The following PCDH15 variants were observed in gnomAD, a reference collection of about 807,000 sequenced individuals.
The protein encoded by PCDH15 is protocadherin-15.
PCDH15 carries 129 observed loss-of-function variants against 178.5 expected under a neutral mutation model. That is an observed-to-expected ratio of 0.72 (90% CI 0.63 to 0.84). PCDH15 has a LOEUF of 0.84. Among genes scored for constraint, PCDH15 ranks in the 40% least tolerant of loss-of-function variants. The pLI is 0.00. For missense variants in PCDH15, 2,230 were observed against 2,099.9 expected (o/e 1.06, Z -1.21); for synonymous variants, 800 against 732.0 (o/e 1.09, Z -1.50).
intron 2 of PCDH15, among the ~76,000 whole-genome samples, chr10:55,469,388 A>G (rs1430699673): frequency 3.9e-5 from 6 of 152,160 alleles, no homozygotes; most frequent in Admixed American, 6.5e-5. Context: ...TTATGTATGT[A>G]TATATGTATG....
intron 2 of PCDH15, among the ~76,000 whole-genome samples, chr10:55,556,095 A>G (rs910437640): frequency 6.6e-5 from 10 of 152,132 alleles, no homozygotes; most frequent in African/African-American, 1.9e-4. Flanking sequence ...ATATACACAC[A>G]CTATAGCTCT....
chr10:55,234,923 T>C (rs1841333511), intron 1 of PCDH15, among the ~76,000 whole-genome samples: 1 of 151,988 alleles, frequency 6.6e-6, no homozygotes, highest in South Asian at 2.1e-4. Flanking sequence ...TTTTCTAATA[T>C]AGGAAAATGG....
chr10:54,883,784 A>T (rs960358113), intron 3 of PCDH15, among the ~76,000 whole-genome samples: 16 of 151,910 alleles, frequency 1.1e-4, no homozygotes, highest in Admixed American at 3.3e-4. Context: ...TTCAGTCATG[A>T]TTTTCTTCAG....
chr10:53,942,689 AC>A (rs1368216017), intron 23 of PCDH15, among the ~76,000 whole-genome samples: 1 of 152,206 alleles, frequency 6.6e-6, no homozygotes, highest in Non-Finnish European at 1.5e-5. Context: ...ATTTCTGCCA[AC>A]AACCACATGT....
At position 55,471,143 on chromosome 10, in the gene PCDH15, AAT is replaced by A. The variant is rs545362609; in HGVS notation, c.-156+156480_-156+156481del. The stretch of plus-strand genomic sequence containing the variant: ...AAACATCTGTACTGATTTTAGTGTG[AAT>A]ATATGTTTTCAACTCAACAATATGT... On this transcript the variant is annotated intron_variant, in intron 2 of 5. Coordinates refer to the PCDH15 transcript ENST00000613346. Among the ~76,000 whole-genome samples, 574 of 152,282 alleles carry A rather than the reference AAT, an allele frequency of 3.8e-3. 2 individuals are homozygous for A. The highest frequency in any genetic ancestry group is 7.8e-3 in the Admixed American group (120 of 15,288).
intron 2 of PCDH15, among the ~76,000 whole-genome samples, chr10:54,620,300 C>T (rs1167866919): frequency 1.3e-5 from 2 of 151,650 alleles, no homozygotes; most frequent in African/African-American, 4.8e-5. Context: ...GATAAAATAC[C>T]AATCTTATTA....
intron 3 of PCDH15, among the ~76,000 whole-genome samples, chr10:54,507,032 T>TAAAAATC: frequency 6.6e-6 from 1 of 152,026 alleles, no homozygotes; most frequent in East Asian, 1.9e-4. Flanking sequence ...ACAACACAAT[T>TAAAAATC]CTAATTTTTG....
At chr10:53,878,495 ATATAT>A (rs200946498) in intron 26 of PCDH15, among the ~76,000 whole-genome samples, 2,230 of 139,812 alleles carry the variant, frequency 0.016, 60 homozygotes, top group African/African-American at 0.061. Context: ...TAAATATATA[ATATAT>A]TATATATATA....
chr10:55,317,996 G>A (rs566682370), intron 1 of PCDH15, among the ~76,000 whole-genome samples: 52 of 152,232 alleles, frequency 3.4e-4, no homozygotes, highest in Non-Finnish European at 4.6e-4. Context: ...AAAAATTGTC[G>A]TCTACATAAA....
intron 2 of PCDH15, among the ~76,000 whole-genome samples, chr10:55,414,770 GGTGTGTGTGTGTGTGTGTGTGT>G (rs71014486): frequency 6.8e-6 from 1 of 146,866 alleles, no homozygotes; most frequent in Non-Finnish European, 1.5e-5. Context: ...TCTAACAAGG[GGTGTGTGTGTGTGTGTGTGTGT>G]GTGTGTGTGT....
chr10:54,660,917 A>G (rs1191526097), intron 2 of PCDH15, among the ~76,000 whole-genome samples: 5 of 152,104 alleles, frequency 3.3e-5, no homozygotes, highest in Non-Finnish European at 7.4e-5. Flanking sequence ...ATATGTCTGT[A>G]TGATAAAAAC....
At chr10:54,793,849 A>G (rs892624756) in intron 1 of PCDH15, among the ~76,000 whole-genome samples, 2 of 149,316 alleles carry the variant, frequency 1.3e-5, no homozygotes, top group Non-Finnish European at 3.0e-5. Context: ...TCAGTAAATC[A>G]AAAGATAACA....
At chr10:54,297,827 T>C (rs1287939186) in intron 8 of PCDH15, among the ~76,000 whole-genome samples, 1 of 152,172 alleles carries the variant, frequency 6.6e-6, no homozygotes, top group Admixed American at 6.6e-5. Context: ...GCCTTTGATC[T>C]TATTGGAAAG....
chr10:54,502,750 A>G (rs993581874), intron 3 of PCDH15, among the ~76,000 whole-genome samples: 7 of 152,096 alleles, frequency 4.6e-5, no homozygotes, highest in African/African-American at 1.7e-4. Context: ...CTTTATTGAT[A>G]GTTAAGCTGT....
At chr10:55,256,962 G>A (rs1842016763) in intron 1 of PCDH15, among the ~76,000 whole-genome samples, 1 of 152,182 alleles carries the variant, frequency 6.6e-6, no homozygotes, top group African/African-American at 2.4e-5. Flanking sequence ...AGACTAACTG[G>A]GAGGCACCCC....
Position 55,470,852 on chromosome 10 carries a change from T to G in PCDH15, c.-156+156773A>C, listed in dbSNP as rs868720813. ...TTCCCTAAACTCTGATTTTTTTTTT[T>G]TTTACTATTTCCATAGATTTGCCTT... On this transcript the variant is annotated intron_variant, in intron 2 of 5. Transcript: ENST00000613346. 8.2e-4 allele frequency among the ~76,000 whole-genome samples: 125 copies of G among 152,296 alleles called. 1 individual carries two copies. The highest frequency in any genetic ancestry group is 2.9e-3 in the African/African-American group (120 of 41,548).
At chr10:55,128,397 A>C (rs905660584) in intron 2 of PCDH15, among the ~76,000 whole-genome samples, 49 of 152,138 alleles carry the variant, frequency 3.2e-4, no homozygotes, top group African/African-American at 1.1e-3. Context: ...GCCATAATTA[A>C]CAGCAGAGTT....
At chr10:55,596,220 T>C (rs543271566) in intron 2 of PCDH15, among the ~76,000 whole-genome samples, 19 of 152,094 alleles carry the variant, frequency 1.2e-4, no homozygotes, top group Non-Finnish European at 2.4e-4. Flanking sequence ...AATGTAACAC[T>C]TTATTGGCTT....
chr10:54,888,854 T>C lies in PCDH15; in HGVS notation c.-29+8596A>G, dbSNP rs560409147. ...TTGAGTTTTTGTACATGCTAAATGA[T>C]ATATGTCTTTTACAGATGTGTTATT... On this transcript the variant is annotated intron_variant, in intron 3 of 5. Transcript: ENST00000458638. 5.4e-4 allele frequency among the ~76,000 whole-genome samples: 82 copies of C among 151,622 alleles called. 1 individual carries two copies. Among genetic ancestry groups the C allele is most frequent in the Non-Finnish European group, 4.4e-4 (30 of 67,714 alleles).
Sources: gnomAD v4.1 joint callset for allele counts (sites outside exome capture counted in the v4.1 genomes callset) on GRCh38, gnomAD v4.1.1 for gene constraint, MANE v1.5 for transcripts, NCBI Gene and HGNC (gene_info 2026-07-23, HGNC 2026-07-21) for gene names.